The following ZMIZ1 variants were observed in gnomAD, a reference collection of about 807,000 sequenced individuals.
The protein encoded by ZMIZ1 is zinc finger MIZ-type containing 1.
Under a neutral mutation model 113.9 loss-of-function variants are expected in ZMIZ1, and 17 were observed. The observed-to-expected ratio is 0.15, with a 90% CI of 0.10 to 0.22. The LOEUF is 0.22. Ranked by LOEUF, ZMIZ1 falls within the 10% of genes least tolerant of loss-of-function variation. The pLI is 1.00. For missense variants in ZMIZ1, 1,059 were observed against 1,477.8 expected (o/e 0.72, Z 4.65); for synonymous variants, 607 against 603.1 (o/e 1.01, Z -0.09).
chr10:79,310,991 C>G lies in ZMIZ1; in HGVS notation c.2903C>G (p.Pro968Arg). 6.2e-7 allele frequency: 1 copy of G among 1,614,080 alleles called. No homozygotes were observed. The highest frequency in any genetic ancestry group is 8.5e-7 in the Non-Finnish European group (1 of 1,180,010). ...CAACAAGGTTTGCACGTACCACACC[C>G]CAGCAGCCAGTCAGGGCCTCCATTA... ...SIQQGLHVPHPSSQSGPPLHH... is the reference protein window; with the variant it reads ...SIQQGLHVPHRSSQSGPPLHH... The change falls in exon 24 of 25, where the codon CCC becomes CGC. Residue 968 changes from proline to arginine, a missense_variant. By Grantham distance (103) the Pro-to-Arg change is moderately radical. Around this residue, in one of 6 missense-constraint regions of ZMIZ1, gnomAD observed 225 missense variants for 276.0 expected, o/e 0.82. Coordinates refer to ENST00000334512, the MANE Select transcript of ZMIZ1 (RefSeq NM_020338.4).
In ZMIZ1 at chr10:79,293,848, C is replaced by T. The variant is rs56367696; in HGVS notation, c.1230+195C>T. The T allele has an allele frequency of 4.3e-4, 354 of 814,144 alleles. 2 individuals are homozygous for T. Among genetic ancestry groups the T allele is most frequent in the South Asian group, 1.2e-3 (73 of 62,562 alleles). The allele number at this position is 814,144 out of a possible 1,614,324, so 50.4% of individuals were successfully genotyped here. On this transcript the variant is annotated intron_variant, in intron 12 of 24. Coordinates refer to ENST00000334512, the MANE Select transcript of ZMIZ1 (RefSeq NM_020338.4). ...GTTTCCCAACTGAAAGACCTCGAGC[C>T]AGTCACCCTGCCTCCTAGGGCTGCT... is the stretch of plus-strand genomic sequence containing the variant.
chr10:79,178,676 C>A (rs192560583), intron 4 of ZMIZ1, among the ~76,000 whole-genome samples: 2 of 152,334 alleles, frequency 1.3e-5, no homozygotes, highest in Non-Finnish European at 2.9e-5. Flanking sequence ...CAGCGGCATC[C>A]CTGCCCCACC....
intron 4 of ZMIZ1, among the ~76,000 whole-genome samples, chr10:79,172,959 C>G (rs941619126): frequency 6.6e-6 from 1 of 152,196 alleles, no homozygotes. Flanking sequence ...ATGGTAGTGA[C>G]TGTGGGGCCA....
intron 1 of ZMIZ1, among the ~76,000 whole-genome samples, chr10:79,114,522 T>C (rs4309101): frequency 1.3e-4 from 18 of 134,266 alleles, no homozygotes; most frequent in East Asian, 1.2e-3. Flanking sequence ...TGTGTGTGTG[T>C]GTGTGTGTGT....
chr10:79,077,767 G>C (rs150824465), intron 1 of ZMIZ1, among the ~76,000 whole-genome samples: 1 of 152,246 alleles, frequency 6.6e-6, no homozygotes, highest in African/African-American at 2.4e-5. Context: ...TACTAGTGGT[G>C]TAGTAATAAC....
chr10:79,197,595 T>TAC (rs10648318), intron 4 of ZMIZ1, among the ~76,000 whole-genome samples: 9,676 of 136,634 alleles, frequency 0.071, 909 homozygotes, highest in African/African-American at 0.22. Context: ...ACCCAGACCA[T>TAC]ACACACACAC....
intron 1 of ZMIZ1, among the ~76,000 whole-genome samples, chr10:79,098,277 C>A (rs966956872): frequency 6.6e-6 from 1 of 152,144 alleles, no homozygotes; most frequent in African/African-American, 2.4e-5. Context: ...TTTGGCCAGG[C>A]CAGGCCCCAG....
intron 4 of ZMIZ1, among the ~76,000 whole-genome samples, chr10:79,169,533 G>A (rs1026829673): frequency 2.6e-5 from 4 of 152,220 alleles, no homozygotes; most frequent in Non-Finnish European, 5.9e-5. Flanking sequence ...GATAAAGATC[G>A]TCTCATCCCT....
Position 79,211,742 on chromosome 10 carries a change from G to A in ZMIZ1, c.174+3293G>A, listed in dbSNP as rs116949324. On this transcript the variant is annotated intron_variant, in intron 6 of 24. Coordinates refer to ENST00000334512, the MANE Select transcript of ZMIZ1 (RefSeq NM_020338.4). Reference sequence around the variant, plus strand: ...GGCCCTGCCCCAGGGGCCGGCACAAGCCCCGGGCCACCACTTCCTCATCAG... The same window carrying A: ...GGCCCTGCCCCAGGGGCCGGCACAAACCCCGGGCCACCACTTCCTCATCAG... 6.2e-3 allele frequency among the ~76,000 whole-genome samples: 948 copies of A among 152,338 alleles called. 10 individuals carry two copies. Among genetic ancestry groups the A allele is most frequent in the South Asian group, 0.037 (178 of 4,834 alleles).
intron 1 of ZMIZ1, among the ~76,000 whole-genome samples, chr10:79,079,334 T>C (rs745781296): frequency 6.6e-6 from 1 of 152,206 alleles, no homozygotes; most frequent in South Asian, 2.1e-4. Flanking sequence ...ACGTGCACTT[T>C]CCTGGAGAGG....
rs543948796 is a variant in ZMIZ1 at position 79,289,631 on chromosome 10, G to C, written c.426-144G>C. On this transcript the variant is annotated intron_variant, in intron 8 of 24. Coordinates refer to ENST00000334512, the MANE Select transcript of ZMIZ1 (RefSeq NM_020338.4). ...CTGTTGTGCACTGGGCACTGAGACA[G>C]GCCTGGGGGGTCCAGTACCGACTCG... 7 of 686,028 alleles carry C rather than the reference G, an allele frequency of 1.0e-5. No homozygotes were observed. In the South Asian group the frequency reaches 1.3e-4, roughly 13 times the overall value. 42.5% of individuals were successfully genotyped at this position (686,028 alleles called of 1,614,324 possible). A position where few individuals can be genotyped will look rare whatever the true frequency, so the allele number is the denominator to read the frequency against.
At chr10:79,295,965 C>T in intron 12 of ZMIZ1, 1 of 157,092 alleles carries the variant, frequency 6.4e-6, no homozygotes, top group South Asian at 1.7e-4. Flanking sequence ...GTCGATGGCC[C>T]AGAACTGAAC....
At chr10:79,158,971 G>T (rs1037348699) in intron 3 of ZMIZ1, among the ~76,000 whole-genome samples, 1 of 152,182 alleles carries the variant, frequency 6.6e-6, no homozygotes, top group East Asian at 1.9e-4. Flanking sequence ...GGCTGCTGTC[G>T]GCACGCTGCC....
At chr10:79,258,616 G>A (rs144152907) in intron 7 of ZMIZ1, among the ~76,000 whole-genome samples, 48 of 152,306 alleles carry the variant, frequency 3.2e-4, no homozygotes, top group Non-Finnish European at 4.7e-4. Context: ...ATTGTCATGC[G>A]TAGGGTCTCA....
chr10:79,226,268 G>A (rs115533987), intron 7 of ZMIZ1, among the ~76,000 whole-genome samples: 2,019 of 152,272 alleles, frequency 0.013, 48 homozygotes, highest in African/African-American at 0.046. Context: ...TGGGACCAGA[G>A]CTCTGGCCAG....
rs1296199050 is a variant in ZMIZ1, at chr10:79,189,905, C to A, written c.-49-11679C>A. Among the ~76,000 whole-genome samples the A allele has an allele frequency of 2.6e-5, 4 of 152,220 alleles. No individual in the cohort carries two copies. In the East Asian group the frequency reaches 7.7e-4, roughly 29 times the overall value. The stretch of plus-strand genomic sequence containing the variant: ...TGCTCTTGGGCCGAGGTGGCTCAGT[C>A]CCCTGAGTAGCCTCACACCCAGAGA... On this transcript the variant is annotated intron_variant, in intron 4 of 24. Coordinates refer to ENST00000334512, the MANE Select transcript of ZMIZ1 (RefSeq NM_020338.4).
In ZMIZ1 at chr10:79,293,743, G is replaced by C. The variant is rs768018241; in HGVS notation, c.1230+90G>C. On this transcript the variant is annotated intron_variant, in intron 12 of 24. Coordinates refer to ENST00000334512, the MANE Select transcript of ZMIZ1 (RefSeq NM_020338.4). ...GTGGGTACGGCTTTGGAAGGGGTGT[G>C]GCTTGGACTCCAGCACACTTGGACA... 8 of 1,588,196 alleles carry C rather than the reference G, an allele frequency of 5.0e-6. No homozygotes were observed. The Admixed American group carries it at 1.2e-4, about 23-fold the overall frequency.
intron 7 of ZMIZ1, among the ~76,000 whole-genome samples, chr10:79,245,878 C>T (rs1417678242): frequency 2.0e-5 from 3 of 152,204 alleles, no homozygotes; most frequent in Non-Finnish European, 2.9e-5. Context: ...GGCTGGTAGC[C>T]GCCTTGTTGG....
rs1323200475 is a variant in ZMIZ1 at position 79,211,794 on chromosome 10, C to T, written c.174+3345C>T. Among the ~76,000 whole-genome samples the T allele has an allele frequency of 3.3e-5, 5 of 152,218 alleles. No homozygotes were observed. In the South Asian group the frequency reaches 6.2e-4, roughly 19 times the overall value. ...AGCAGGCCCTTCCTCCTCCAGTAGTCGGGCAGAGCAGCCCCTCTGGGCGCC... is the reference window on the plus strand; with the variant it reads ...AGCAGGCCCTTCCTCCTCCAGTAGTTGGGCAGAGCAGCCCCTCTGGGCGCC... On this transcript the variant is annotated intron_variant, in intron 6 of 24. Coordinates refer to ENST00000334512, the MANE Select transcript of ZMIZ1 (RefSeq NM_020338.4).
Sources: allele counts gnomAD v4.1 joint callset (sites outside exome capture counted in the v4.1 genomes callset), GRCh38; gene constraint gnomAD v4.1.1; regional missense constraint gnomAD v4.1.1; transcripts MANE v1.5; gene names NCBI Gene and HGNC (gene_info 2026-07-23, HGNC 2026-07-21).